The following AASDH variants were observed in gnomAD, a reference collection of about 807,000 sequenced individuals.
AASDH encodes beta-alanine-activating enzyme.
AASDH carries 81 observed loss-of-function variants against 102.3 expected under a neutral mutation model. That is an observed-to-expected ratio of 0.79 (90% CI 0.66 to 0.95). AASDH has a LOEUF of 0.95. AASDH is among the 40% of genes least tolerant of loss of function. The pLI is 0.00. For missense variants in AASDH, 1,203 were observed against 1,266.2 expected (o/e 0.95, Z 0.76); for synonymous variants, 398 against 454.0 (o/e 0.88, Z 1.57).
intron 5 of AASDH, chr4:56,356,826 G>A: frequency 2.5e-6 from 2 of 794,496 alleles, no homozygotes; most frequent in Non-Finnish European, 4.4e-6. Context: ...GATACGATGA[G>A]ATCCACCGTC....
intron 5 of AASDH, chr4:56,357,001 C>A: frequency 2.7e-6 from 1 of 377,224 alleles, no homozygotes; most frequent in Non-Finnish European, 4.8e-6. Flanking sequence ...AAAAATGTGC[C>A]TAAGTAAAAC....
rs1416690872 is a variant in AASDH at position 56,345,229 on chromosome 4, A to C, written c.2550T>G (p.Phe850Leu). 1 of 1,613,806 alleles carries C rather than the reference A, an allele frequency of 6.2e-7. No homozygotes were observed. Among genetic ancestry groups the C allele is most frequent in the African/African-American group, 1.3e-5 (1 of 74,936 alleles). ...AGCTTTTGACAGCATCTTCAGTAGT[A>C]AACATCCAGTATTTTTCTCCACTAT... ...KSNSGEKYWM[F>L]TTEDAVKSSA... Residue 850 changes from phenylalanine to leucine, a missense_variant, in exon 12 of 15, where the codon TTT becomes TTG. Physicochemically the swap from Phe to Leu is conservative, Grantham distance 22. Transcript: ENST00000205214.
chr4:56,370,133 G>A (rs886396361), intron 5 of AASDH, among the ~76,000 whole-genome samples: 2 of 151,976 alleles, frequency 1.3e-5, no homozygotes, highest in Admixed American at 1.3e-4. Flanking sequence ...TGGAGGCTGA[G>A]GCAGAAGGAT....
intron 5 of AASDH, among the ~76,000 whole-genome samples, chr4:56,361,831 G>T (rs2109928739): frequency 6.6e-6 from 1 of 152,190 alleles, no homozygotes; most frequent in South Asian, 2.1e-4. Flanking sequence ...AATTAGCCAG[G>T]CATGATGGCA....
At chr4:56,378,591 A>C in intron 3 of AASDH, 127 bp from the exon 4 acceptor site, 13 of 821,386 alleles carry the variant, frequency 1.6e-5, no homozygotes, top group Non-Finnish European at 2.4e-5. Flanking sequence ...GGATCATCTC[A>C]GATACCAAAA....
chr4:56,357,982 C>CA (rs1560585575), intron 5 of AASDH, among the ~76,000 whole-genome samples: 1 of 151,972 alleles, frequency 6.6e-6, no homozygotes, highest in Non-Finnish European at 1.5e-5. Context: ...TCTATAAAGA[C>CA]AAAATGTTAT....
At chr4:56,384,960 G>C (rs549723353) in intron 1 of AASDH, among the ~76,000 whole-genome samples, 1 of 152,172 alleles carries the variant, frequency 6.6e-6, no homozygotes, top group East Asian at 1.9e-4. Context: ...TGTAATCCCA[G>C]CTACTCTGGA....
intron 5 of AASDH, chr4:56,356,741 T>C: frequency 1.4e-6 from 1 of 718,900 alleles, no homozygotes; most frequent in South Asian, 1.4e-5. Context: ...ACTGTCGCCT[T>C]CACACAGGTT....
In AASDH at chr4:56,355,289, T is replaced by C; in HGVS notation, c.996A>G (p.Arg332=). 6.2e-7 allele frequency: 1 copy of C among 1,614,098 alleles called. No homozygotes were observed. Among genetic ancestry groups the C allele is most frequent in the African/African-American group, 1.3e-5 (1 of 75,008 alleles). ...ATATTTGTGTTTTATTGCCTTCTCC[T>C]CTCCAGCTTCTGAGAACTGTCAATG... ...FPSLTVLRSW[R]GEGNKTQIFN... Residue 332 remains arginine, a synonymous_variant, in exon 6 of 15, where the codon AGA becomes AGG. Coordinates refer to ENST00000205214, the MANE Select transcript of AASDH (RefSeq NM_181806.4).
At chr4:56,383,615 T>G (rs1157544017) in intron 2 of AASDH, among the ~76,000 whole-genome samples, 2 of 152,176 alleles carry the variant, frequency 1.3e-5, no homozygotes, top group Non-Finnish European at 2.9e-5. Context: ...TGGAATAGTG[T>G]CTTCTAATGG....
chr4:56,349,998 T>A lies in AASDH; in HGVS notation c.1753A>T (p.Ser585Cys). 2 of 1,610,990 alleles carry A rather than the reference T, an allele frequency of 1.2e-6. No homozygotes were observed. The highest frequency in any genetic ancestry group is 1.7e-6 in the Non-Finnish European group (2 of 1,179,842). The stretch of plus-strand genomic sequence containing the variant: ...ATGGACTTTAAGGAATCTCCACCAC[T>A]ATTTAAGAAGAGTGACTCATCAGGA... Reference protein sequence around the residue: ...RVPDESLFLNSGGDSLKSIRL... With the variant: ...RVPDESLFLNCGGDSLKSIRL... Residue 585 changes from serine (S) to cysteine (C), a missense_variant, in exon 11 of 15, where the codon AGT becomes TGT. Physicochemically the swap from Ser to Cys is moderately radical, Grantham distance 112 (BLOSUM62 -1). Coordinates refer to ENST00000205214, the MANE Select transcript of AASDH (RefSeq NM_181806.4).
In AASDH at chr4:56,350,015, T is replaced by A; in HGVS notation, c.1736A>T (p.Glu579Val). 1 of 1,606,936 alleles carries A rather than the reference T, an allele frequency of 6.2e-7. No homozygotes were observed. Among genetic ancestry groups the A allele is most frequent in the South Asian group, 1.1e-5 (1 of 90,412 alleles). The change falls in exon 11 of 15, where the codon GAG becomes GTG. Residue 579 changes from glutamate (E) to valine (V), a missense_variant. Coordinates refer to ENST00000205214, the MANE Select transcript of AASDH (RefSeq NM_181806.4). ...TCCACCACTATTTAAGAAGAGTGAC[T>A]CATCAGGAACCCTCAAAAGATCTTC... is the stretch of plus-strand genomic sequence containing the variant. ...LPEDLLRVPD[E>V]SLFLNSGGDS... is the part of the protein sequence containing the mutation.
rs1360495557 is a variant in AASDH, at chr4:56,356,221, CCT to C, written c.862-800_862-799del. On this transcript the variant is annotated intron_variant, in intron 5 of 14. Coordinates refer to ENST00000205214, the MANE Select transcript of AASDH (RefSeq NM_181806.4). Reference sequence around the variant, plus strand: ...AGGAGGACAAGAAAGTGGTGAATCCCCTGTTTGAGAAAAGGCCTAAGAATTTT... The same window carrying C: ...AGGAGGACAAGAAAGTGGTGAATCCCGTTTGAGAAAAGGCCTAAGAATTTT... 5.5e-5 allele frequency: 42 copies of C among 764,796 alleles called. No homozygotes were observed. In the East Asian group the frequency reaches 5.7e-4, roughly 10 times the overall value. 47.4% of individuals were successfully genotyped at this position (764,796 alleles called of 1,614,324 possible).
chr4:56,358,545 T>C, intron 5 of AASDH, among the ~76,000 whole-genome samples: 1 of 151,514 alleles, frequency 6.6e-6, no homozygotes, highest in Non-Finnish European at 1.5e-5. Context: ...TTAGGAGCTT[T>C]TTAAAAAATC....
chr4:56,355,310 CAAT>C lies in AASDH; in HGVS notation c.972_974del (p.Leu325del), dbSNP rs769730349. The C allele has an allele frequency of 3.1e-6, 5 of 1,613,982 alleles. No individual in the cohort carries two copies. The Admixed American group carries it at 8.3e-5, about 27-fold the overall frequency. ...CTCCTCTCCAGCTTCTGAGAACTGT[CAAT>C]GATGGAAACGCTTCACCACCAAGGG... On this transcript the variant is annotated inframe_deletion, in exon 6 of 15. Coordinates refer to ENST00000205214, the MANE Select transcript of AASDH (RefSeq NM_181806.4).
intron 5 of AASDH, chr4:56,356,260 A>AAG: frequency 1.1e-6 from 1 of 919,402 alleles, no homozygotes; most frequent in South Asian, 1.3e-5. Context: ...GCACTGAGCA[A>AAG]GACATCCAGC....
chr4:56,370,960 C>T (rs1189585478), intron 5 of AASDH, among the ~76,000 whole-genome samples: 1 of 152,168 alleles, frequency 6.6e-6, no homozygotes, highest in Non-Finnish European at 1.5e-5. Context: ...TGTGTACCTG[C>T]ATGACCTAAT....
rs115143373 is a variant in AASDH, at chr4:56,356,345, T to A, written c.862-922A>T. The stretch of plus-strand genomic sequence containing the variant: ...GCAGCGGCAGAGAGCCATCCCTCAA[T>A]AAGCGGCTGAAAGTGCCTCCTGCGA... On this transcript the variant is annotated intron_variant, in intron 5 of 14. Coordinates refer to ENST00000205214, the MANE Select transcript of AASDH (RefSeq NM_181806.4). The A allele has an allele frequency of 3.1e-3, 4,923 of 1,575,612 alleles. 152 individuals are homozygous for A. In the African/African-American group the frequency reaches 0.058, roughly 18 times the overall value.
chr4:56,378,132 A>G lies in AASDH; in HGVS notation c.668+16T>C, dbSNP rs1752560487. On this transcript the variant is annotated intron_variant, in intron 4 of 14. Coordinates refer to ENST00000205214, the MANE Select transcript of AASDH (RefSeq NM_181806.4). ...AAAATATAGATTCTGAGAAAGAGTC[A>G]AAGACTAGAACTTACCGAAAATGCT... The G allele has an allele frequency of 6.4e-7, 1 of 1,572,540 alleles. No individual in the cohort carries two copies. Among genetic ancestry groups the G allele is most frequent in the African/African-American group, 1.4e-5 (1 of 73,084 alleles).
Sources: gnomAD v4.1 joint callset for allele counts (sites outside exome capture counted in the v4.1 genomes callset) on GRCh38, gnomAD v4.1.1 for gene constraint, MANE v1.5 for transcripts, NCBI Gene and HGNC (gene_info 2026-07-23, HGNC 2026-07-21) for gene names.